The following MAGI2 variants were observed in gnomAD, a reference collection of about 807,000 sequenced individuals.
MAGI2 encodes membrane associated guanylate kinase, WW and PDZ domain containing 2.
In MAGI2, 35 loss-of-function variants were observed where a neutral mutation model predicts 133.3. The ratio of observed to expected loss-of-function variants is 0.26; its 90% CI spans 0.20 to 0.35. MAGI2 has a LOEUF of 0.35. MAGI2 is among the 10% of genes least tolerant of loss of function. The pLI, the probability that MAGI2 is intolerant of heterozygous loss-of-function variation, is 1.00. For missense variants in MAGI2, 1,636 were observed against 1,863.4 expected (o/e 0.88, Z 2.25); for synonymous variants, 729 against 710.6 (o/e 1.03, Z -0.41).
intron 2 of MAGI2, among the ~76,000 whole-genome samples, chr7:78,830,467 C>G (rs1388273811): frequency 6.6e-6 from 1 of 152,072 alleles, no homozygotes; most frequent in African/African-American, 2.4e-5. Context: ...GTACTATCAT[C>G]TACATTTCCA....
chr7:78,360,639 T>C (rs963381273), intron 7 of MAGI2, among the ~76,000 whole-genome samples: 4 of 152,310 alleles, frequency 2.6e-5, no homozygotes, highest in Non-Finnish European at 4.4e-5. Context: ...GCAAACAGGA[T>C]TGTCCAATGA....
intron 2 of MAGI2, among the ~76,000 whole-genome samples, chr7:78,653,557 TCTCA>T (rs1194308890): frequency 6.6e-6 from 1 of 151,988 alleles, no homozygotes; most frequent in East Asian, 1.9e-4. Context: ...CACTGCATGT[TCTCA>T]CTCATAAGTG....
intron 1 of MAGI2, among the ~76,000 whole-genome samples, chr7:79,317,717 T>G (rs1838848245): frequency 6.6e-6 from 1 of 152,160 alleles, no homozygotes; most frequent in Non-Finnish European, 1.5e-5. Flanking sequence ...CCACTGGCTC[T>G]CATACTGGAC....
At chr7:78,868,715 A>C (rs1794777681) in intron 2 of MAGI2, among the ~76,000 whole-genome samples, 1 of 151,894 alleles carries the variant, frequency 6.6e-6, no homozygotes, top group African/African-American at 2.4e-5. Flanking sequence ...GGTTGATTTC[A>C]CATTTTCCTG....
intron 6 of MAGI2, among the ~76,000 whole-genome samples, chr7:78,375,570 C>T (rs1404226605): frequency 6.6e-6 from 1 of 151,856 alleles, no homozygotes; most frequent in African/African-American, 2.4e-5. Flanking sequence ...TTTATGTTGA[C>T]TAGCCTTTTT....
intron 10 of MAGI2, among the ~76,000 whole-genome samples, chr7:78,227,347 T>C (rs1789492336): frequency 6.6e-6 from 1 of 152,154 alleles, no homozygotes. Flanking sequence ...GGAGGATCTG[T>C]CCCTATTTCA....
At chr7:79,282,086 A>G (rs781263029) in intron 1 of MAGI2, among the ~76,000 whole-genome samples, 2 of 152,202 alleles carry the variant, frequency 1.3e-5, no homozygotes, top group Non-Finnish European at 2.9e-5. Context: ...TAAAATGACT[A>G]ATAACAGCTC....
At chr7:78,781,635 A>G (rs1382480559) in intron 2 of MAGI2, among the ~76,000 whole-genome samples, 3 of 152,154 alleles carry the variant, frequency 2.0e-5, no homozygotes, top group Non-Finnish European at 4.4e-5. Context: ...TAACCTACAT[A>G]TTCAATTGTC....
At chr7:79,219,750 A>G (rs930221037) in intron 1 of MAGI2, among the ~76,000 whole-genome samples, 1 of 151,868 alleles carries the variant, frequency 6.6e-6, no homozygotes, top group Non-Finnish European at 1.5e-5. Context: ...ATATTTTTAC[A>G]TTTTTCCCTG....
intron 14 of MAGI2, among the ~76,000 whole-genome samples, chr7:78,176,345 G>A (rs1477171864): frequency 6.6e-6 from 1 of 152,130 alleles, no homozygotes; most frequent in African/African-American, 2.4e-5. Flanking sequence ...TGACGTTCTG[G>A]TTGACTGTTG....
chr7:78,712,378 T>C (rs1819282104), intron 2 of MAGI2, among the ~76,000 whole-genome samples: 1 of 152,186 alleles, frequency 6.6e-6, no homozygotes, highest in Non-Finnish European at 1.5e-5. Flanking sequence ...GTCTTATACA[T>C]GATGAGAGCT....
chr7:79,260,653 T>C (rs990043833), intron 1 of MAGI2, among the ~76,000 whole-genome samples: 1 of 152,150 alleles, frequency 6.6e-6, no homozygotes, highest in Non-Finnish European at 1.5e-5. Context: ...CCTGACCTCA[T>C]GTGATGGGTT....
intron 2 of MAGI2, among the ~76,000 whole-genome samples, chr7:78,652,842 C>T (rs1811724323): frequency 6.6e-6 from 1 of 151,922 alleles, no homozygotes; most frequent in Admixed American, 6.6e-5. Flanking sequence ...TCAGAGTGAA[C>T]AGGCAACCTA....
At chr7:78,428,880 T>G (rs1799529581) in intron 6 of MAGI2, among the ~76,000 whole-genome samples, 1 of 152,230 alleles carries the variant, frequency 6.6e-6, no homozygotes, top group African/African-American at 2.4e-5. Context: ...AGAGACACAG[T>G]AGCTTAGTTC....
chr7:78,831,205 G>GC (rs1348818314), intron 2 of MAGI2, among the ~76,000 whole-genome samples: 1 of 152,032 alleles, frequency 6.6e-6, no homozygotes, highest in Admixed American at 6.5e-5. Flanking sequence ...GCCCTATTAG[G>GC]CCCCATCCAA....
At chr7:79,254,614 C>T (rs998789905) in intron 1 of MAGI2, among the ~76,000 whole-genome samples, 13 of 152,134 alleles carry the variant, frequency 8.5e-5, no homozygotes, top group Admixed American at 5.2e-4. Context: ...TCCAGCCTAT[C>T]CCAGTGAACA....
intron 7 of MAGI2, among the ~76,000 whole-genome samples, chr7:78,363,735 T>G (rs866076186): frequency 5.9e-5 from 9 of 152,098 alleles, no homozygotes; most frequent in Non-Finnish European, 1.3e-4. Flanking sequence ...ATTACTAACA[T>G]TTATTGAACA....
rs1472641445 is a variant in MAGI2 at position 79,253,363 on chromosome 7, C to T, written c.301+199657G>A. Among the ~76,000 whole-genome samples the T allele has an allele frequency of 6.6e-5, 10 of 152,184 alleles. No individual in the cohort carries two copies. In the South Asian group the frequency reaches 8.3e-4, roughly 13 times the overall value. ...TACTGTTAAAATCTGACACTGTTGG[C>T]CAGGCACGGTGGCTCATGCTTATAA... is the stretch of plus-strand genomic sequence containing the variant. On this transcript the variant is annotated intron_variant, in intron 1 of 21. Coordinates refer to ENST00000354212, the MANE Select transcript of MAGI2 (RefSeq NM_012301.4).
At chr7:78,970,129 C>T (rs10268856) in intron 2 of MAGI2, among the ~76,000 whole-genome samples, 7,058 of 152,042 alleles carry the variant, frequency 0.046, 483 homozygotes, top group African/African-American at 0.15. Context: ...TGTTACCTGG[C>T]ATTATACAAT....
Sources: gnomAD v4.1 joint callset for allele counts (sites outside exome capture counted in the v4.1 genomes callset) on GRCh38, gnomAD v4.1.1 for gene constraint, MANE v1.5 for transcripts, NCBI Gene and HGNC (gene_info 2026-07-23, HGNC 2026-07-21) for gene names.